The following INPP5A variants were observed in gnomAD, a reference collection of about 807,000 sequenced individuals.
The protein encoded by INPP5A is inositol polyphosphate-5-phosphatase A.
Under a neutral mutation model 65.2 loss-of-function variants are expected in INPP5A, and 14 were observed. That is an observed-to-expected ratio of 0.21 (90% confidence interval 0.14 to 0.34). The LOEUF (loss-of-function observed/expected upper bound fraction) is 0.34, where lower values mean the gene tolerates loss of function less well. INPP5A is among the 10% of genes least tolerant of loss of function. INPP5A has a pLI of 1.00. For missense variants in INPP5A, 431 were observed against 545.6 expected (o/e 0.79, Z 2.09); for synonymous variants, 207 against 208.3 (o/e 0.99, Z 0.05).
chr10:132,574,804 C>G (rs1427326839), intron 1 of INPP5A, among the ~76,000 whole-genome samples: 1 of 151,640 alleles, frequency 6.6e-6, no homozygotes, highest in African/African-American at 2.4e-5. Flanking sequence ...CATTTTCCTG[C>G]CTCAGCCTCT....
At chr10:132,671,717 T>G (rs186608741) in intron 4 of INPP5A, among the ~76,000 whole-genome samples, 2 of 152,342 alleles carry the variant, frequency 1.3e-5, no homozygotes, top group Non-Finnish European at 2.9e-5. Flanking sequence ...GTGCCTTACA[T>G]GTGCCACCCA....
At position 132,707,384 on chromosome 10, in the gene INPP5A, G is replaced by A. The variant is rs1845553595; in HGVS notation, c.475-929G>A. 6.6e-6 allele frequency among the ~76,000 whole-genome samples: 1 copy of A among 152,256 alleles called. No individual in the cohort carries two copies. The highest frequency in any genetic ancestry group is 2.4e-5 in the African/African-American group (1 of 41,466). ...CTTTGTGGACCTTGGACTTGACTCT[G>A]TCAGCCTCTTCCCAGTGCCTTCTGT... On this transcript the variant is annotated intron_variant, in intron 6 of 15. Coordinates refer to ENST00000368594, the MANE Select transcript of INPP5A (RefSeq NM_005539.5). The surrounding 1 kb of genome is among the most constrained non-coding windows in gnomAD (Gnocchi z 5.5).
intron 1 of INPP5A, among the ~76,000 whole-genome samples, chr10:132,562,135 T>C (rs149160813): frequency 1.3e-5 from 2 of 152,380 alleles, no homozygotes; most frequent in Non-Finnish European, 2.9e-5. Flanking sequence ...ACCTGCACTG[T>C]GCACCGTGAG....
At chr10:132,672,712 A>G (rs2072907650) in intron 4 of INPP5A, among the ~76,000 whole-genome samples, 1 of 152,234 alleles carries the variant, frequency 6.6e-6, no homozygotes, top group East Asian at 1.9e-4. Flanking sequence ...CTAAGTTTGG[A>G]AAAACGTGAT....
chr10:132,592,923 G>A (rs1426392632), intron 1 of INPP5A, among the ~76,000 whole-genome samples: 2 of 152,020 alleles, frequency 1.3e-5, no homozygotes, highest in African/African-American at 4.8e-5. Flanking sequence ...CAGTCAGGTT[G>A]CCTGTTCTCA....
intron 9 of INPP5A, among the ~76,000 whole-genome samples, chr10:132,734,866 G>A (rs574104207): frequency 5.3e-5 from 8 of 152,248 alleles, no homozygotes; most frequent in Admixed American, 2.0e-4. Flanking sequence ...GTCTTGCAGG[G>A]TCCTCGGATG....
intron 3 of INPP5A, among the ~76,000 whole-genome samples, chr10:132,648,275 G>A (rs965298281): frequency 6.6e-5 from 10 of 152,282 alleles, no homozygotes; most frequent in Non-Finnish European, 1.2e-4. Flanking sequence ...CGATGCCGCC[G>A]TGTTTGGTGT....
chr10:132,598,012 G>T (rs780285171), intron 1 of INPP5A, among the ~76,000 whole-genome samples: 2 of 152,230 alleles, frequency 1.3e-5, no homozygotes, highest in African/African-American at 4.8e-5. Flanking sequence ...GGGCCTTTTG[G>T]GCAGGTCTCA....
At chr10:132,750,756 C>T (rs935819919) in intron 11 of INPP5A, among the ~76,000 whole-genome samples, 1 of 152,164 alleles carries the variant, frequency 6.6e-6, no homozygotes, top group Non-Finnish European at 1.5e-5. Flanking sequence ...CTGGAAACCT[C>T]GGCATCAGTT....
intron 7 of INPP5A, 95 bp downstream of exon 7, chr10:132,708,460 C>G (rs975641871): frequency 3.0e-5 from 38 of 1,283,980 alleles, no homozygotes; most frequent in Non-Finnish European, 3.9e-5. Flanking sequence ...ATTGGAGGCT[C>G]TACTGATTTT....
At position 132,538,066 on chromosome 10, in the gene INPP5A, C is replaced by T; in HGVS notation, c.-31C>T. Reference sequence around the variant, plus strand: ...GAGGAAGCGGCCGCCGCCGCCGCCGCCCAGCCCAGCGCCCGCGCCGCCCGG... The same window carrying T: ...GAGGAAGCGGCCGCCGCCGCCGCCGTCCAGCCCAGCGCCCGCGCCGCCCGG... On this transcript the variant is annotated 5_prime_UTR_variant, in exon 1 of 16. Transcript: ENST00000368594. The surrounding 1 kb of genome is among the most constrained non-coding windows in gnomAD (Gnocchi z 4.1). 1.8e-6 allele frequency: 2 copies of T among 1,088,646 alleles called. No homozygotes were observed. Among genetic ancestry groups the T allele is most frequent in the Non-Finnish European group, 2.2e-6 (2 of 894,588 alleles). The allele number at this position is 1,088,646 out of a possible 1,614,324, so 67.4% of individuals were successfully genotyped here.
chr10:132,725,036 G>A (rs1009469364), intron 8 of INPP5A, among the ~76,000 whole-genome samples: 12 of 151,816 alleles, frequency 7.9e-5, no homozygotes, highest in African/African-American at 2.9e-4. Flanking sequence ...AGGCCAGCAG[G>A]AGCACACGCC....
chr10:132,549,158 G>A lies in INPP5A; in HGVS notation c.75+10987G>A, dbSNP rs1400949285. 3.9e-5 allele frequency among the ~76,000 whole-genome samples: 6 copies of A among 152,082 alleles called. No individual in the cohort carries two copies. The highest frequency in any genetic ancestry group is 7.4e-5 in the Non-Finnish European group (5 of 68,026). The stretch of plus-strand genomic sequence containing the variant: ...GGAGGCATACCTCGTTTCTCCAGTC[G>A]CCCACAGATGGACGTCGGGGCTATC... On this transcript the variant is annotated intron_variant, in intron 1 of 15. Coordinates refer to ENST00000368594, the MANE Select transcript of INPP5A (RefSeq NM_005539.5). The surrounding 1 kb of genome is among the most constrained non-coding windows in gnomAD (Gnocchi z 4.9).
chr10:132,598,079 C>T (rs879461670), intron 1 of INPP5A, among the ~76,000 whole-genome samples: 3 of 152,252 alleles, frequency 2.0e-5, no homozygotes, highest in Non-Finnish European at 4.4e-5. Flanking sequence ...GCTTGGGCGT[C>T]TGGGACCTAC....
At chr10:132,739,795 C>G (rs1382411962) in intron 9 of INPP5A, among the ~76,000 whole-genome samples, 1 of 152,208 alleles carries the variant, frequency 6.6e-6, no homozygotes, top group Non-Finnish European at 1.5e-5. Context: ...GAGGCCCTCG[C>G]CATGCCCCCT....
chr10:132,763,660 C>T (rs1846775136), intron 11 of INPP5A, among the ~76,000 whole-genome samples: 1 of 147,730 alleles, frequency 6.8e-6, no homozygotes, highest in Admixed American at 6.8e-5. Flanking sequence ...CACACACATG[C>T]CTGTGCACAC....
chr10:132,771,600 G>A (rs573239623), intron 12 of INPP5A, among the ~76,000 whole-genome samples: 130 of 149,114 alleles, frequency 8.7e-4, no homozygotes, highest in Non-Finnish European at 1.3e-3. Flanking sequence ...TATCCCCAGT[G>A]CCCATGAAGA....
intron 4 of INPP5A, among the ~76,000 whole-genome samples, chr10:132,660,817 G>A (rs1015977234): frequency 3.3e-5 from 5 of 152,216 alleles, no homozygotes; most frequent in African/African-American, 9.6e-5. Context: ...TGTTTCAAAC[G>A]TAGAGTCCTC....
Position 132,678,249 on chromosome 10 carries a change from G to A in INPP5A, c.307-12143G>A, listed in dbSNP as rs184997025. On this transcript the variant is annotated intron_variant, in intron 4 of 15. Coordinates refer to ENST00000368594, the MANE Select transcript of INPP5A (RefSeq NM_005539.5). The surrounding 1 kb of genome is among the most constrained non-coding windows in gnomAD (Gnocchi z 4.1). ...GGAAGTGGGCAGTAGTGAGGACGCC[G>A]CCTTGTCCAGTTGGGTCAGCCGCCC... Among the ~76,000 whole-genome samples, 70 of 152,316 alleles carry A rather than the reference G, an allele frequency of 4.6e-4. No individual in the cohort carries two copies. Among genetic ancestry groups the A allele is most frequent in the African/African-American group, 1.4e-3 (60 of 41,552 alleles).
Sources: allele counts gnomAD v4.1 joint callset (sites outside exome capture counted in the v4.1 genomes callset), GRCh38; gene constraint gnomAD v4.1.1; non-coding constraint Gnocchi (gnomAD v3.1); transcripts MANE v1.5; gene names NCBI Gene and HGNC (gene_info 2026-07-23, HGNC 2026-07-21).